Variants in ZNF687 observed in about 807,000 individuals in gnomAD.
ZNF687 encodes zinc finger protein 687.
In ZNF687, 13 loss-of-function variants were observed where a neutral mutation model predicts 71.8. That is an observed-to-expected ratio of 0.18 (90% confidence interval 0.12 to 0.29). ZNF687 has a LOEUF of 0.29. ZNF687 is among the 10% of genes least tolerant of loss of function. The pLI is 1.00. For synonymous variants in ZNF687, 673 were observed against 641.6 expected (o/e 1.05, Z -0.74); for missense variants, 1,412 against 1,625.6 (o/e 0.87, Z 2.26).
chr1:151,290,679 T>A lies in ZNF687; in HGVS notation c.3220-36T>A. On this transcript the variant is annotated intron_variant, in intron 8 of 8. Transcript: ENST00000336715. ...ATGGGGGTGCCAGGGACAGTAGGGGTGGTGGTAAGGCCCAGTTTCTTCCAC... is the reference window on the plus strand; with the variant it reads ...ATGGGGGTGCCAGGGACAGTAGGGGAGGTGGTAAGGCCCAGTTTCTTCCAC... 2 of 1,579,734 alleles carry A rather than the reference T, an allele frequency of 1.3e-6. 1 individual carries two copies. The highest frequency in any genetic ancestry group is 2.3e-5 in the South Asian group (2 of 85,590).
Position 151,287,379 on chromosome 1 carries a change from C to A in ZNF687, c.1088C>A (p.Ala363Asp), listed in dbSNP as rs199776443. The A allele has an allele frequency of 7.4e-6, 12 of 1,614,038 alleles. No homozygotes were observed. Among genetic ancestry groups the A allele is most frequent in the Non-Finnish European group, 9.3e-6 (11 of 1,180,048 alleles). The change falls in exon 2 of 9, where the codon GCC becomes GAC. Residue 363 changes from alanine (A) to aspartate (D), a missense_variant. By Grantham distance (126) the Ala-to-Asp change is moderately radical. Around this residue, in one of 8 missense-constraint regions of ZNF687, gnomAD observed 490 missense variants for 489.9 expected, o/e 1.00. Transcript: ENST00000336715. The surrounding 1 kb of genome is among the most constrained non-coding windows in gnomAD (Gnocchi z 5.0). ...CCACCTGCCCCCTTGGCTGAGGGGG[C>A]CTTCTTGGCTGAGGCTAGCCTCTTG... is the stretch of plus-strand genomic sequence containing the variant. ...PDPPAPLAEGAFLAEASLLKL... is the reference protein window; with the variant it reads ...PDPPAPLAEGDFLAEASLLKL...
At chr1:151,288,828 A>G (rs1694068589) in intron 3 of ZNF687, 122 bp downstream of exon 3, 3 of 1,269,218 alleles carry the variant, frequency 2.4e-6, no homozygotes, top group African/African-American at 3.0e-5. Context: ...GTTTTGCCAG[A>G]CTCAACCCTG....
Position 151,287,364 on chromosome 1 carries a change from C to T in ZNF687, c.1073C>T (p.Pro358Leu), listed in dbSNP as rs1175516731. 3 of 1,614,098 alleles carry T rather than the reference C, an allele frequency of 1.9e-6. No individual in the cohort carries two copies. Among genetic ancestry groups the T allele is most frequent in the Non-Finnish European group, 2.5e-6 (3 of 1,180,044 alleles). ...CCCTCAGATCCTGATCCACCTGCCC[C>T]CTTGGCTGAGGGGGCCTTCTTGGCT... ...QVPSDPDPPAPLAEGAFLAEA... is the reference protein window; with the variant it reads ...QVPSDPDPPALLAEGAFLAEA... The change falls in exon 2 of 9, where the codon CCC becomes CTC. Residue 358 changes from proline to leucine, a missense_variant. Coordinates refer to ENST00000336715, the MANE Select transcript of ZNF687 (RefSeq NM_020832.3). The surrounding 1 kb of genome is among the most constrained non-coding windows in gnomAD (Gnocchi z 5.0).
chr1:151,289,168 G>T lies in ZNF687; in HGVS notation c.2368G>T (p.Val790Phe). 1 of 1,614,210 alleles carries T rather than the reference G, an allele frequency of 6.2e-7. No homozygotes were observed. Among genetic ancestry groups the T allele is most frequent in the Non-Finnish European group, 8.5e-7 (1 of 1,180,034 alleles). The change falls in exon 4 of 9, where the codon GTT becomes TTT. Residue 790 changes from valine to phenylalanine, a missense_variant. Physicochemically the swap from Val to Phe is conservative, Grantham distance 50. Around this residue, in one of 8 missense-constraint regions of ZNF687, gnomAD observed 106 missense variants for 146.0 expected, o/e 0.73. Transcript: ENST00000336715. ...KSHIQTSHCE[V>F]FHKCPICPMA... ...CCACATCCAGACGTCGCACTGCGAG[G>T]TTTTCCACAAGTGCCCCATCTGCCC...
At chr1:151,282,797 G>A (rs1571084618) in intron 1 of ZNF687, among the ~76,000 whole-genome samples, 1 of 152,064 alleles carries the variant, frequency 6.6e-6, no homozygotes, top group Non-Finnish European at 1.5e-5. Flanking sequence ...GTCAGCGTCC[G>A]GGCCCGGGCA....
Position 151,290,512 on chromosome 1 carries a change from T to C in ZNF687, c.3158T>C (p.Leu1053Pro), listed in dbSNP as rs1460164412. ...KHVQVRHGLQ[L>P]GAQSPGRGTT... is the part of the protein sequence containing the mutation. ...GTCCAGGTCCGGCACGGCTTGCAGC[T>C]TGGGGCCCAGTCCCCTGGCCGGGGG... The change falls in exon 8 of 9, where the codon CTT becomes CCT. Residue 1053 changes from leucine to proline, a missense_variant. Leu to Pro is a moderately conservative substitution (Grantham distance 98). Transcript: ENST00000336715. 2.5e-6 allele frequency: 4 copies of C among 1,613,794 alleles called. No individual in the cohort carries two copies. The highest frequency in any genetic ancestry group is 2.2e-5 in the South Asian group (2 of 91,094).
chr1:151,284,864 C>T, intron 1 of ZNF687, among the ~76,000 whole-genome samples: 1 of 122,600 alleles, frequency 8.2e-6, no homozygotes. Context: ...GGCTGGAGTG[C>T]AGTGGCATGA....
rs748350758 is a variant in ZNF687, at chr1:151,289,972, G to A, written c.2929G>A (p.Glu977Lys). 1.9e-6 allele frequency: 3 copies of A among 1,579,486 alleles called. No homozygotes were observed. Among genetic ancestry groups the A allele is most frequent in the Non-Finnish European group, 2.6e-6 (3 of 1,160,330 alleles). The change falls in exon 6 of 9, where the codon GAA (glutamate) becomes AAA (lysine). Residue 977 changes from glutamate to lysine, a missense_variant. Physicochemically the swap from Glu to Lys is moderately conservative, Grantham distance 56 (BLOSUM62 1). Transcript: ENST00000336715. ...LCHSWFPERD[E>K]YVAHMKKEHG... Reference sequence around the variant, plus strand: ...TCACTCCTGGTTCCCTGAGCGTGATGAATACGTGGCCCACATGAAGAAGGA... The same window carrying A: ...TCACTCCTGGTTCCCTGAGCGTGATAAATACGTGGCCCACATGAAGAAGGA...
intron 1 of ZNF687, chr1:151,283,134 C>G (rs1235671797): frequency 1.0e-6 from 1 of 985,480 alleles, no homozygotes; most frequent in Non-Finnish European, 1.2e-6. Context: ...CCGCGCGCCT[C>G]AGTTTCCCTT....
Position 151,287,810 on chromosome 1 carries a change from A to G in ZNF687, c.1519A>G (p.Ser507Gly). ...LVEAFNKILN[S>G]KNLLPAYRPN... ...GGAGGCCTTCAACAAGATCCTCAAC[A>G]GCAAGAACCTGCTCCCTGCCTATAG... is the stretch of plus-strand genomic sequence containing the variant. The change falls in exon 2 of 9, where the codon AGC becomes GGC. Residue 507 changes from serine (S) to glycine (G), a missense_variant. By Grantham distance (56) the Ser-to-Gly change is moderately conservative. This residue lies in a region of ZNF687 where 133 missense variants were observed against 155.1 expected (regional missense o/e 0.86). Transcript: ENST00000336715. This position sits in a 1 kb window ranked among gnomAD's most constrained non-coding sequence, Gnocchi z 5.0. The G allele has an allele frequency of 6.2e-7, 1 of 1,614,058 alleles. No homozygotes were observed. The highest frequency in any genetic ancestry group is 8.5e-7 in the Non-Finnish European group (1 of 1,180,018).
At position 151,287,785 on chromosome 1, in the gene ZNF687, G is replaced by A; in HGVS notation, c.1494G>A (p.Val498=). 1.2e-6 allele frequency: 2 copies of A among 1,614,110 alleles called. No homozygotes were observed. The highest frequency in any genetic ancestry group is 1.1e-5 in the South Asian group (1 of 91,082). The change falls in exon 2 of 9, where the codon GTG becomes GTA. Residue 498 remains valine (V), a synonymous_variant. Transcript: ENST00000336715. This position sits in a 1 kb window ranked among gnomAD's most constrained non-coding sequence, Gnocchi z 5.0. ...TVISRTQSSL[V]EAFNKILNSK... ...TATCACGGACCCAGTCCAGCCTGGTGGAGGCCTTCAACAAGATCCTCAACA... is the reference window on the plus strand; with the variant it reads ...TATCACGGACCCAGTCCAGCCTGGTAGAGGCCTTCAACAAGATCCTCAACA...
Position 151,286,942 on chromosome 1 carries a change from A to T in ZNF687, c.651A>T (p.Pro217=). Residue 217 remains proline, a synonymous_variant, in exon 2 of 9, where the codon CCA becomes CCT. Coordinates refer to ENST00000336715, the MANE Select transcript of ZNF687 (RefSeq NM_020832.3). ...TGCAGCCACCTGTTTCTTCCCCACC[A>T]TTGGGGGCCTTGAAGCAGGAGAGCT... The part of the protein sequence containing the change: ...PGMQPPVSSP[P]LGALKQESCS... The T allele has an allele frequency of 6.2e-7, 1 of 1,611,756 alleles. No homozygotes were observed. The highest frequency in any genetic ancestry group is 8.5e-7 in the Non-Finnish European group (1 of 1,178,560).
In ZNF687 at chr1:151,287,381, T is replaced by G; in HGVS notation, c.1090T>G (p.Phe364Val). ...ACCTGCCCCCTTGGCTGAGGGGGCC[T>G]TCTTGGCTGAGGCTAGCCTCTTGAA... Reference protein sequence around the residue: ...DPPAPLAEGAFLAEASLLKLS... With the variant: ...DPPAPLAEGAVLAEASLLKLS... The change falls in exon 2 of 9, where the codon TTC becomes GTC. Residue 364 changes from phenylalanine (F) to valine (V), a missense_variant. Coordinates refer to ENST00000336715, the MANE Select transcript of ZNF687 (RefSeq NM_020832.3). The surrounding 1 kb of genome is among the most constrained non-coding windows in gnomAD (Gnocchi z 5.0). 6.2e-7 allele frequency: 1 copy of G among 1,614,136 alleles called. No homozygotes were observed. Among genetic ancestry groups the G allele is most frequent in the South Asian group, 1.1e-5 (1 of 91,080 alleles).
At chr1:151,288,985 A>G in intron 3 of ZNF687, 110 bp from the exon 4 acceptor site, 1 of 1,246,752 alleles carries the variant, frequency 8.0e-7, no homozygotes, top group South Asian at 1.4e-5. Context: ...ATGCTCCACT[A>G]CTGATTTCCT....
Position 151,286,567 on chromosome 1 carries a change from C to T in ZNF687, c.276C>T (p.Pro92=), listed in dbSNP as rs2298265. 0.11 allele frequency: 182,727 copies of T among 1,614,088 alleles called. 10,830 individuals are homozygous for T. Among genetic ancestry groups the T allele is most frequent in the Middle Eastern group, 0.17 (1,010 of 6,060 alleles). The part of the protein sequence containing the change: ...VSVIVKNTVC[P]EQSEALAGGS... ...TCATTGTCAAGAACACTGTGTGTCC[C>T]GAGCAGTCTGAGGCCCTGGCTGGAG... is the stretch of plus-strand genomic sequence containing the variant. Residue 92 remains proline, a synonymous_variant, in exon 2 of 9, where the codon CCC becomes CCT. Coordinates refer to ENST00000336715, the MANE Select transcript of ZNF687 (RefSeq NM_020832.3).
chr1:151,282,235 G>C, upstream of ZNF687: 1 of 1,031,556 alleles, frequency 9.7e-7, no homozygotes, highest in Non-Finnish European at 1.2e-6. Flanking sequence ...GTGCGAAAAC[G>C]GGCAGCCCAG....
In ZNF687 at chr1:151,287,896, C is replaced by T. The variant is rs1052324736; in HGVS notation, c.1605C>T (p.Cys535=). Reference sequence around the variant, plus strand: ...CCCTGCCTCCCACCGGCTACCGCTGCCTGGAGTGTGGGGATGCCTTCTCAT... The same window carrying T: ...CCCTGCCTCCCACCGGCTACCGCTGTCTGGAGTGTGGGGATGCCTTCTCAT... The part of the protein sequence containing the change: ...GLALPPTGYR[C]LECGDAFSLE... The change falls in exon 2 of 9, where the codon TGC becomes TGT. Residue 535 remains cysteine (C), a synonymous_variant. Transcript: ENST00000336715. This position sits in a 1 kb window ranked among gnomAD's most constrained non-coding sequence, Gnocchi z 5.0. 1.3e-5 allele frequency: 21 copies of T among 1,613,820 alleles called. No homozygotes were observed. Among genetic ancestry groups the T allele is most frequent in the Non-Finnish European group, 1.7e-5 (20 of 1,180,046 alleles).
At chr1:151,288,502 C>T in intron 2 of ZNF687, 26 bp from the exon 3 acceptor site, 2 of 1,584,550 alleles carry the variant, frequency 1.3e-6, no homozygotes, top group Non-Finnish European at 1.7e-6. Context: ...TCCTCACCGA[C>T]TTTCCTTGTT....
rs370732158 is a variant in ZNF687, at chr1:151,290,634, C to T, written c.3219+61C>T. 21 of 1,584,858 alleles carry T rather than the reference C, an allele frequency of 1.3e-5. No homozygotes were observed. In the African/African-American group the frequency reaches 2.3e-4, roughly 17 times the overall value. On this transcript the variant is annotated intron_variant, in intron 8 of 8. Transcript: ENST00000336715. ...GAGTGGGAAACTGGAAGGCAGAGAC[C>T]ATGGCCTCAGGAAGCGAGCATGGGG...
Sources: allele counts gnomAD v4.1 joint callset (sites outside exome capture counted in the v4.1 genomes callset), GRCh38; gene constraint gnomAD v4.1.1; regional missense constraint gnomAD v4.1.1; non-coding constraint Gnocchi (gnomAD v3.1); transcripts MANE v1.5; gene names NCBI Gene and HGNC (gene_info 2026-07-23, HGNC 2026-07-21).